Variants in TOR3A observed in about 807,000 individuals in gnomAD.
The protein encoded by TOR3A is torsin family 3 member A.
Under a neutral mutation model 42.1 loss-of-function variants are expected in TOR3A, and 44 were observed. The observed-to-expected ratio is 1.04, with a 90% CI of 0.82 to 1.34. The LOEUF (loss-of-function observed/expected upper bound fraction) is 1.34. TOR3A is among the 40% of genes most tolerant of loss of function. The pLI is 0.00. For synonymous variants in TOR3A, 227 were observed against 213.2 expected (o/e 1.06, Z -0.57); for missense variants, 521 against 507.6 (o/e 1.03, Z -0.25).
At position 179,082,160 on chromosome 1, in the gene TOR3A, T is replaced by C. The variant is rs1316316652; in HGVS notation, c.32T>C (p.Leu11Pro). The C allele has an allele frequency of 2.0e-6, 3 of 1,511,456 alleles. No homozygotes were observed. The highest frequency in any genetic ancestry group is 1.4e-5 in the African/African-American group (1 of 69,186). 93.6% of individuals were successfully genotyped at this position (1,511,456 alleles called of 1,614,324 possible). Residue 11 changes from leucine (L) to proline (P), a missense_variant, in exon 1 of 6, where the codon CTC becomes CCC. Physicochemically the swap from Leu to Pro is moderately conservative, Grantham distance 98. Transcript: ENST00000367627. MLRGPWRQLW[L>P]FFLLLLPGAP... ...CGCGGTCCGTGGCGCCAGCTTTGGC[T>C]CTTTTTCCTGCTGCTGCTCCCGGGC...
intron 2 of TOR3A, 126 bp downstream of exon 2, chr1:179,083,179 C>T (rs1174553698): frequency 1.8e-6 from 1 of 547,870 alleles, no homozygotes; most frequent in East Asian, 3.3e-5. Context: ...GGAACTGCCA[C>T]AGTCTGACTG....
At chr1:179,093,778 G>A (rs1258323593) in intron 4 of TOR3A, among the ~76,000 whole-genome samples, 1 of 152,164 alleles carries the variant, frequency 6.6e-6, no homozygotes, top group Non-Finnish European at 1.5e-5. Flanking sequence ...TCCTGGAACC[G>A]AATACACGGA....
At position 179,082,404 on chromosome 1, in the gene TOR3A, A is replaced by C; in HGVS notation, c.259+17A>C. ...GGCCCCTGGGTAAGACCCCGTCCCC[A>C]CGGTCCGCCGTTCGCTGCGGAGCAG... On this transcript the variant is annotated intron_variant, in intron 1 of 5. Transcript: ENST00000367627. The C allele has an allele frequency of 6.3e-7, 1 of 1,588,212 alleles. No individual in the cohort carries two copies. The highest frequency in any genetic ancestry group is 8.5e-7 in the Non-Finnish European group (1 of 1,170,838).
Position 179,085,779 on chromosome 1 carries a change from C to A in TOR3A, c.525C>A (p.Phe175Leu), listed in dbSNP as rs567645608. The change falls in exon 3 of 6, where the codon TTC (phenylalanine) becomes TTA (leucine). Residue 175 changes from phenylalanine (F) to leucine (L), a missense_variant. Coordinates refer to ENST00000367627, the MANE Select transcript of TOR3A (RefSeq NM_022371.4). ...GCTGGTCTGGCACAGGCAAGAACTTCGTGGCACGGATGCTGGTGGAGAACC... is the reference window on the plus strand; with the variant it reads ...GCTGGTCTGGCACAGGCAAGAACTTAGTGGCACGGATGCTGGTGGAGAACC... ...FHGWSGTGKN[F>L]VARMLVENLY... 7 of 1,614,182 alleles carry A rather than the reference C, an allele frequency of 4.3e-6. No homozygotes were observed. The East Asian group carries it at 1.6e-4, about 36-fold the overall frequency.
At position 179,082,921 on chromosome 1, in the gene TOR3A, A is replaced by G; in HGVS notation, c.260-19A>G. On this transcript the variant is annotated intron_variant, in intron 1 of 5. Transcript: ENST00000367627. ...CACCGGATGGTCTCCTCTCGGTCTC[A>G]CAGCTCCTCCTTTTCCAGGCTGGCG... The G allele has an allele frequency of 1.3e-6, 2 of 1,529,394 alleles. No individual in the cohort carries two copies. The highest frequency in any genetic ancestry group is 1.8e-6 in the Non-Finnish European group (2 of 1,128,736). The allele number at this position is 1,529,394 out of a possible 1,614,324, so 94.7% of individuals were successfully genotyped here. A position where few individuals can be genotyped will look rare whatever the true frequency, so the allele number is the denominator to read the frequency against.
intron 4 of TOR3A, among the ~76,000 whole-genome samples, chr1:179,093,612 C>T (rs1652653700): frequency 6.6e-6 from 1 of 152,234 alleles, no homozygotes; most frequent in African/African-American, 2.4e-5. Flanking sequence ...CCTTTCATGC[C>T]TGTGCTCCTC....
At chr1:179,092,841 C>CAAAAAAAAAAAAAA (rs1349060090) in intron 4 of TOR3A, among the ~76,000 whole-genome samples, 1 of 146,070 alleles carries the variant, frequency 6.8e-6, no homozygotes, top group African/African-American at 2.6e-5. Flanking sequence ...AACTCTGTCT[C>CAAAAAAAAAAAAAA]AAGAAAAAAA....
intron 3 of TOR3A, among the ~76,000 whole-genome samples, chr1:179,087,668 A>G (rs1018581306): frequency 2.0e-5 from 3 of 152,000 alleles, no homozygotes; most frequent in Admixed American, 6.6e-5. Flanking sequence ...CTAGTCCCCA[A>G]GCTGGCTTCA....
At chr1:179,090,272 C>T (rs1023184803) in intron 4 of TOR3A, among the ~76,000 whole-genome samples, 2 of 152,230 alleles carry the variant, frequency 1.3e-5, no homozygotes, top group African/African-American at 4.8e-5. Flanking sequence ...CCAGCCTTTA[C>T]GAGCCAGAGG....
intron 4 of TOR3A, among the ~76,000 whole-genome samples, chr1:179,092,990 A>C (rs1276117497): frequency 6.6e-6 from 1 of 152,176 alleles, no homozygotes; most frequent in Non-Finnish European, 1.5e-5. Context: ...GGGTGACAGA[A>C]TGAGACTGTC....
intron 4 of TOR3A, among the ~76,000 whole-genome samples, chr1:179,089,013 G>A (rs978168246): frequency 6.6e-6 from 1 of 152,158 alleles, no homozygotes; most frequent in Non-Finnish European, 1.5e-5. Context: ...TGTGAGGATG[G>A]GGAAGTTGGT....
rs1652692153 is a variant in TOR3A, at chr1:179,094,951, T to G, written c.944-17T>G. 1 of 1,613,758 alleles carries G rather than the reference T, an allele frequency of 6.2e-7. No individual in the cohort carries two copies. Among genetic ancestry groups the G allele is most frequent in the Admixed American group, 1.7e-5 (1 of 59,996 alleles). On this transcript the variant is annotated splice_polypyrimidine_tract_variant and intron_variant, in intron 5 of 5. Coordinates refer to ENST00000367627, the MANE Select transcript of TOR3A (RefSeq NM_022371.4). ...AGTCCTAGGTCAGACTCCATGTAAC[T>G]TTGGTCTTGCTTTCAGACAATGGCT...
Position 179,082,392 on chromosome 1 carries a change from G to A in TOR3A, c.259+5G>A. ...AGGCAGCCACGGGGCCCCTGGGTAA[G>A]ACCCCGTCCCCACGGTCCGCCGTTC... On this transcript the variant is annotated splice_donor_5th_base_variant and intron_variant, in intron 1 of 5. Coordinates refer to ENST00000367627, the MANE Select transcript of TOR3A (RefSeq NM_022371.4). 1.3e-6 allele frequency: 2 copies of A among 1,597,318 alleles called. No individual in the cohort carries two copies. The highest frequency in any genetic ancestry group is 8.5e-7 in the Non-Finnish European group (1 of 1,174,466).
intron 4 of TOR3A, chr1:179,088,341 C>G (rs573260455): frequency 3.6e-6 from 1 of 278,012 alleles, no homozygotes; most frequent in Admixed American, 5.1e-5. Flanking sequence ...AACCCCATCT[C>G]TACAAAAAAT....
chr1:179,086,383 T>C (rs1276132609), intron 3 of TOR3A, among the ~76,000 whole-genome samples: 2 of 152,228 alleles, frequency 1.3e-5, no homozygotes, highest in Non-Finnish European at 2.9e-5. Context: ...AACAGGCCTA[T>C]TGGCCGGACA....
chr1:179,087,838 G>A (rs1021020095), intron 3 of TOR3A, 73 bp from the exon 4 acceptor site: 9 of 1,450,678 alleles, frequency 6.2e-6, no homozygotes, highest in Non-Finnish European at 8.3e-6. Context: ...ACATGCCCAG[G>A]GGAAACCACG....
rs745706296 is a variant in TOR3A at position 179,095,008 on chromosome 1, G to A, written c.984G>A (p.Leu328=). The A allele has an allele frequency of 8.7e-6, 14 of 1,614,070 alleles. No individual in the cohort carries two copies. The African/African-American group carries it at 1.7e-4, about 20-fold the overall frequency. Reference sequence around the variant, plus strand: ...ACAGCCGTCTTGTGAAGGAAAACCTGATTGACTACTTCATCCCCTTCCTGC... The same window carrying A: ...ACAGCCGTCTTGTGAAGGAAAACCTAATTGACTACTTCATCCCCTTCCTGC... ...FGHSRLVKEN[L]IDYFIPFLPL... is the part of the protein sequence containing the mutation. The change falls in exon 6 of 6, where the codon CTG becomes CTA. Residue 328 remains leucine (L), a synonymous_variant. Coordinates refer to ENST00000367627, the MANE Select transcript of TOR3A (RefSeq NM_022371.4).
Position 179,083,149 on chromosome 1 carries a change from G to C in TOR3A, c.373+96G>C, listed in dbSNP as rs146135148. On this transcript the variant is annotated intron_variant, in intron 2 of 5. Coordinates refer to ENST00000367627, the MANE Select transcript of TOR3A (RefSeq NM_022371.4). ...GATGCAAGGGACCTTTCGTCATCCTGCCCAGCCTCCCGACAAGCAGGAACT... is the reference window on the plus strand; with the variant it reads ...GATGCAAGGGACCTTTCGTCATCCTCCCCAGCCTCCCGACAAGCAGGAACT... 4.4e-6 allele frequency: 3 copies of C among 676,870 alleles called. No homozygotes were observed. In the African/African-American group the frequency reaches 5.6e-5, roughly 13 times the overall value. 41.9% of individuals were successfully genotyped at this position (676,870 alleles called of 1,614,324 possible).
In TOR3A at chr1:179,095,340, TAACAAACA is replaced by T; in HGVS notation, c.*123_*130del. On this transcript the variant is annotated 3_prime_UTR_variant, in exon 6 of 6. Coordinates refer to ENST00000367627, the MANE Select transcript of TOR3A (RefSeq NM_022371.4). ...GTGTGGACTGGCATCCAGCAGCCAC[TAACAAACA>T]CACAACTGGTGTGTAAAAGGCAGGC... The T allele has an allele frequency of 6.5e-7, 1 of 1,528,828 alleles. No individual in the cohort carries two copies. The highest frequency in any genetic ancestry group is 2.0e-5 in the Admixed American group (1 of 49,806). The allele number at this position is 1,528,828 out of a possible 1,614,324, so 94.7% of individuals were successfully genotyped here.
Sources: gnomAD v4.1 joint callset for allele counts (sites outside exome capture counted in the v4.1 genomes callset) on GRCh38, gnomAD v4.1.1 for gene constraint, MANE v1.5 for transcripts, NCBI Gene and HGNC (gene_info 2026-07-23, HGNC 2026-07-21) for gene names.